PRKCB: variants seen among roughly 807,000 people sequenced by gnomAD.
PRKCB encodes the protein protein kinase C beta.
In PRKCB, 13 loss-of-function variants were observed where a neutral mutation model predicts 81.5. That is an observed-to-expected ratio of 0.16 (90% confidence interval 0.10 to 0.25). The LOEUF is 0.25. PRKCB is among the 10% of genes least tolerant of loss of function. The pLI is 1.00. For missense variants in PRKCB, 509 were observed against 875.7 expected (o/e 0.58, Z 5.29); for synonymous variants, 335 against 321.4 (o/e 1.04, Z -0.45).
intron 2 of PRKCB, among the ~76,000 whole-genome samples, chr16:23,972,818 G>C (rs914132208): frequency 1.3e-5 from 2 of 152,186 alleles, no homozygotes; most frequent in Non-Finnish European, 2.9e-5. Flanking sequence ...TTATGTGTCA[G>C]TATTAGGAAG....
chr16:24,056,917 G>A (rs1965908775), intron 5 of PRKCB, among the ~76,000 whole-genome samples: 1 of 152,190 alleles, frequency 6.6e-6, no homozygotes, highest in Non-Finnish European at 1.5e-5. Context: ...CCATAGCCTT[G>A]CTATTGGTGA....
At chr16:24,099,237 A>G (rs1238951191) in intron 7 of PRKCB, 1 of 152,236 alleles carries the variant, frequency 6.6e-6, no homozygotes, top group East Asian at 1.9e-4. Flanking sequence ...TTTCTTTTCT[A>G]TAATGGACTT....
Position 23,860,281 on chromosome 16 carries a change from C to T in PRKCB, c.205+22875C>T, listed in dbSNP as rs141374973. ...AATGTTGTCACCTATTGAGGGAGTC[C>T]GGGTTTGGGTGCTTGATACATAGAA... On this transcript the variant is annotated intron_variant, in intron 2 of 16. Transcript: ENST00000643927. Among the ~76,000 whole-genome samples, 192 of 152,074 alleles carry T rather than the reference C, an allele frequency of 1.3e-3. 1 individual carries two copies. The highest frequency in any genetic ancestry group is 4.3e-3 in the African/African-American group (179 of 41,450).
chr16:24,032,418 G>A (rs1965561633), intron 4 of PRKCB, among the ~76,000 whole-genome samples, 171 bp downstream of exon 4: 3 of 152,170 alleles, frequency 2.0e-5, no homozygotes, highest in Admixed American at 2.0e-4. Context: ...AAAACACTGT[G>A]ACTGAAGACA....
chr16:23,855,898 GT>G (rs1383894146), intron 2 of PRKCB, among the ~76,000 whole-genome samples: 1 of 152,238 alleles, frequency 6.6e-6, no homozygotes, highest in Non-Finnish European at 1.5e-5. Context: ...GGACACAGCT[GT>G]GAGCAATTGG....
intron 2 of PRKCB, among the ~76,000 whole-genome samples, chr16:23,896,990 A>G (rs1963391074): frequency 6.6e-6 from 1 of 151,608 alleles, no homozygotes; most frequent in South Asian, 2.1e-4. Context: ...CCATCCATTC[A>G]CCCACCCACT....
At chr16:24,043,979 T>A (rs1234363186) in intron 5 of PRKCB, among the ~76,000 whole-genome samples, 1 of 152,240 alleles carries the variant, frequency 6.6e-6, no homozygotes, top group Non-Finnish European at 1.5e-5. Context: ...AGCATGTTTA[T>A]TGATGTTTTC....
chr16:24,178,207 C>G (rs1303508970), intron 12 of PRKCB, among the ~76,000 whole-genome samples: 1 of 152,196 alleles, frequency 6.6e-6, no homozygotes, highest in African/African-American at 2.4e-5. Context: ...AAGATTCTTC[C>G]TATCAAACTT....
chr16:24,147,255 C>T (rs1967004979), intron 9 of PRKCB, among the ~76,000 whole-genome samples: 2 of 148,798 alleles, frequency 1.3e-5, no homozygotes, highest in African/African-American at 2.5e-5. Context: ...TTGCAGTGAG[C>T]CGAGATCGCA....
At chr16:24,019,393 G>T (rs371094688) in intron 3 of PRKCB, among the ~76,000 whole-genome samples, 1 of 151,966 alleles carries the variant, frequency 6.6e-6, no homozygotes, top group Non-Finnish European at 1.5e-5. Flanking sequence ...ATTGCACCTC[G>T]CTTTCTCACA....
chr16:23,970,691 T>C (rs1964544293), intron 2 of PRKCB, among the ~76,000 whole-genome samples: 1 of 152,204 alleles, frequency 6.6e-6, no homozygotes, highest in African/African-American at 2.4e-5. Flanking sequence ...TTCAGGGTTG[T>C]TGAGAGGTTT....
At chr16:24,163,616 A>C (rs744623) in intron 10 of PRKCB, among the ~76,000 whole-genome samples, 1 of 152,250 alleles carries the variant, frequency 6.6e-6, no homozygotes, top group Non-Finnish European at 1.5e-5. Context: ...ACAAACAAAC[A>C]AAAAAGCTAG....
At chr16:24,165,092 G>C (rs1300786453) in intron 10 of PRKCB, among the ~76,000 whole-genome samples, 1 of 152,166 alleles carries the variant, frequency 6.6e-6, no homozygotes, top group Non-Finnish European at 1.5e-5. Context: ...CCAGGCTGGA[G>C]TGCAATGGTG....
chr16:24,184,999 T>C, intron 13 of PRKCB, 112 bp from the exon 14 acceptor site: 3 of 891,942 alleles, frequency 3.4e-6, no homozygotes, highest in Middle Eastern at 2.2e-4. Flanking sequence ...ATAGCTAATA[T>C]AAAGAAACAG....
At chr16:23,987,885 G>A (rs1299919188) in intron 2 of PRKCB, among the ~76,000 whole-genome samples, 5 of 152,162 alleles carry the variant, frequency 3.3e-5, no homozygotes, top group Non-Finnish European at 5.9e-5. Flanking sequence ...AAATAGGGGA[G>A]CCATACCATA....
Position 24,103,304 on chromosome 16 carries a change from TA to T in PRKCB, c.821+9008del, listed in dbSNP as rs1284564353. ...GTTTCTTTTCTAACATGCTTTAATT[TA>T]GGCATTTTTTTTAACCCCTAGAATT... On this transcript the variant is annotated intron_variant, in intron 7 of 16. Transcript: ENST00000643927. Among the ~76,000 whole-genome samples the T allele has an allele frequency of 2.6e-5, 4 of 152,392 alleles. No homozygotes were observed. In the East Asian group the frequency reaches 7.7e-4, roughly 29 times the overall value.
intron 3 of PRKCB, among the ~76,000 whole-genome samples, chr16:24,007,790 C>A (rs1320373215): frequency 6.6e-6 from 1 of 152,172 alleles, no homozygotes; most frequent in Admixed American, 6.5e-5. Flanking sequence ...CTGGAGCCTG[C>A]AGGCCTGGGG....
intron 10 of PRKCB, among the ~76,000 whole-genome samples, chr16:24,170,786 C>A (rs902933076): frequency 2.6e-5 from 4 of 152,226 alleles, no homozygotes; most frequent in African/African-American, 9.7e-5. Context: ...AATGAAGTAT[C>A]TTTGGCACCA....
chr16:24,013,162 T>G lies in PRKCB; in HGVS notation c.289-18974T>G, dbSNP rs539224747. On this transcript the variant is annotated intron_variant, in intron 3 of 16. Coordinates refer to ENST00000643927, the MANE Select transcript of PRKCB (RefSeq NM_002738.7). Reference sequence around the variant, plus strand: ...TCAGGGAAGCCCTTCCTGACCTCCCTGACCAGGCCCATTTCCAATATTTTG... The same window carrying G: ...TCAGGGAAGCCCTTCCTGACCTCCCGGACCAGGCCCATTTCCAATATTTTG... 1.3e-3 allele frequency among the ~76,000 whole-genome samples: 193 copies of G among 152,320 alleles called. 1 individual carries two copies. Among genetic ancestry groups the G allele is most frequent in the African/African-American group, 4.6e-3 (190 of 41,580 alleles).
Sources: gnomAD v4.1 joint callset for allele counts (sites outside exome capture counted in the v4.1 genomes callset) on GRCh38, gnomAD v4.1.1 for gene constraint, MANE v1.5 for transcripts, NCBI Gene and HGNC (gene_info 2026-07-23, HGNC 2026-07-21) for gene names.